FAM227B: variants seen among roughly 807,000 people sequenced by gnomAD.
FAM227B encodes the protein family with sequence similarity 227 member B.
In FAM227B, 88 loss-of-function variants were observed where a neutral mutation model predicts 73.8. The observed-to-expected ratio is 1.19, with a 90% CI of 1.00 to 1.42. The LOEUF (loss-of-function observed/expected upper bound fraction) is 1.42, where lower values mean the gene tolerates loss of function less well. FAM227B is among the 40% of genes most tolerant of loss of function. FAM227B has a pLI of 0.00. For synonymous variants in FAM227B, 210 were observed against 190.5 expected (o/e 1.10, Z -0.84); for missense variants, 632 against 590.9 (o/e 1.07, Z -0.72).
chr15:49,420,529 T>A (rs2049536117), intron 11 of FAM227B, among the ~76,000 whole-genome samples: 1 of 152,128 alleles, frequency 6.6e-6, no homozygotes, highest in Admixed American at 6.5e-5. Context: ...TGTACAAGCA[T>A]AGCGAAACTC....
intron 8 of FAM227B, among the ~76,000 whole-genome samples, chr15:49,571,740 G>C (rs564254048): frequency 1.9e-4 from 29 of 151,900 alleles, no homozygotes; most frequent in African/African-American, 7.0e-4. Flanking sequence ...GCTTTTTTTG[G>C]TTACTACAGC....
chr15:49,362,274 A>G (rs1246407118), intron 13 of FAM227B, among the ~76,000 whole-genome samples: 2 of 152,006 alleles, frequency 1.3e-5, no homozygotes, highest in South Asian at 4.2e-4. Context: ...TTCTCATGAG[A>G]TACGCTGGCT....
At chr15:49,361,536 T>TG (rs2151407594) in intron 13 of FAM227B, among the ~76,000 whole-genome samples, 1 of 152,290 alleles carries the variant, frequency 6.6e-6, no homozygotes, top group Admixed American at 6.5e-5. Context: ...CTTAGGTTAA[T>TG]GGCCTCCAGC....
intron 11 of FAM227B, among the ~76,000 whole-genome samples, chr15:49,451,706 C>T (rs191706135): frequency 4.6e-5 from 7 of 152,208 alleles, no homozygotes; most frequent in Non-Finnish European, 8.8e-5. Context: ...AATCATGAAA[C>T]ATGTCTTCTA....
intron 13 of FAM227B, among the ~76,000 whole-genome samples, chr15:49,347,964 A>G (rs1225420905): frequency 2.1e-5 from 3 of 141,168 alleles, no homozygotes; most frequent in Non-Finnish European, 4.5e-5. Context: ...GGCTGCAGTG[A>G]GCTGAGATTG....
At chr15:49,386,375 A>G (rs2046884259) in intron 11 of FAM227B, among the ~76,000 whole-genome samples, 1 of 151,920 alleles carries the variant, frequency 6.6e-6, no homozygotes, top group East Asian at 1.9e-4. Flanking sequence ...AAATACATGG[A>G]AATTAAATAA....
At chr15:49,397,815 C>A (rs75082160) in intron 11 of FAM227B, among the ~76,000 whole-genome samples, 5 of 152,212 alleles carry the variant, frequency 3.3e-5, no homozygotes, top group South Asian at 2.1e-4. Context: ...TTTGTCACCA[C>A]CAGGCCTGCC....
intron 10 of FAM227B, among the ~76,000 whole-genome samples, chr15:49,518,268 T>TA (rs2152144527): frequency 6.6e-6 from 1 of 152,260 alleles, no homozygotes; most frequent in East Asian, 1.9e-4. Context: ...TCTTTTATCT[T>TA]AAAAAATATA....
intron 11 of FAM227B, among the ~76,000 whole-genome samples, chr15:49,375,507 T>TC (rs1462384976): frequency 1.3e-5 from 2 of 151,956 alleles, no homozygotes; most frequent in African/African-American, 4.8e-5. Context: ...CATTTCTATT[T>TC]TTTTTTATAA....
chr15:49,334,291 C>T, intron 14 of FAM227B: 2 of 965,976 alleles, frequency 2.1e-6, no homozygotes, highest in Non-Finnish European at 2.5e-6. Flanking sequence ...CTGAGCTTTT[C>T]CCTATAAAGT....
intron 11 of FAM227B, among the ~76,000 whole-genome samples, chr15:49,505,817 T>G (rs139013407): frequency 0.011 from 1,706 of 152,080 alleles, 33 homozygotes; most frequent in African/African-American, 0.039. Context: ...TAAATGTAAG[T>G]GAAGTAACAC....
chr15:49,423,988 C>T, intron 11 of FAM227B: 1 of 251,152 alleles, frequency 4.0e-6, no homozygotes, highest in African/African-American at 2.2e-5. Flanking sequence ...TTTTTATCTT[C>T]CTCTCTCCTC....
At chr15:49,583,243 A>G (rs895679186) in intron 5 of FAM227B, among the ~76,000 whole-genome samples, 1 of 152,058 alleles carries the variant, frequency 6.6e-6, no homozygotes, top group Non-Finnish European at 1.5e-5. Context: ...AGCTAGACTA[A>G]TAAAGAGGAA....
At chr15:49,511,998 C>T (rs927105380) in intron 10 of FAM227B, among the ~76,000 whole-genome samples, 21 of 152,046 alleles carry the variant, frequency 1.4e-4, no homozygotes, top group Admixed American at 1.1e-3. Context: ...AGCAAGGGAA[C>T]AGAACTGGGT....
At chr15:49,481,010 C>G (rs1240007153) in intron 11 of FAM227B, among the ~76,000 whole-genome samples, 1 of 152,166 alleles carries the variant, frequency 6.6e-6, no homozygotes, top group Non-Finnish European at 1.5e-5. Flanking sequence ...TCCCTAATAA[C>G]TGATCATGAA....
At chr15:49,485,628 A>G (rs944889885) in intron 11 of FAM227B, 1 of 152,506 alleles carries the variant, frequency 6.6e-6, no homozygotes, top group African/African-American at 2.4e-5. Context: ...TGGAAGGCAG[A>G]CAAAAATAAG....
chr15:49,612,503 G>A (rs1340017362), intron 2 of FAM227B, among the ~76,000 whole-genome samples: 2 of 152,088 alleles, frequency 1.3e-5, no homozygotes, highest in Non-Finnish European at 2.9e-5. Context: ...ACAGTGGCTG[G>A]TTCATAGTCA....
At chr15:49,611,385 G>T in intron 2 of FAM227B, 117 bp from the exon 3 acceptor site, 1 of 547,206 alleles carries the variant, frequency 1.8e-6, no homozygotes, top group Non-Finnish European at 3.2e-6. Context: ...AGAGCGGTAA[G>T]ATATCATAAA....
chr15:49,350,566 A>G (rs2042093524), intron 13 of FAM227B, among the ~76,000 whole-genome samples: 2 of 152,312 alleles, frequency 1.3e-5, no homozygotes, highest in African/African-American at 4.8e-5. Flanking sequence ...ACTGTCTTTT[A>G]TGGGCTAGTT....
Sources: gnomAD v4.1 joint callset for allele counts (sites outside exome capture counted in the v4.1 genomes callset) on GRCh38, gnomAD v4.1.1 for gene constraint, MANE v1.5 for transcripts, NCBI Gene and HGNC (gene_info 2026-07-23, HGNC 2026-07-21) for gene names.